Variants in PCDHGA3 observed in about 807,000 individuals in gnomAD.
PCDHGA3 encodes the protein protocadherin gamma-A3.
Under a neutral mutation model 58.5 loss-of-function variants are expected in PCDHGA3, and 40 were observed. The observed-to-expected ratio is 0.68, with a 90% CI of 0.53 to 0.89. The LOEUF is 0.89. PCDHGA3 is among the 40% of genes least tolerant of loss of function. The pLI, the probability that PCDHGA3 is intolerant of heterozygous loss-of-function variation, is 0.00. For synonymous variants in PCDHGA3, 530 were observed against 525.7 expected (o/e 1.01, Z -0.11); for missense variants, 1,223 against 1,195.9 (o/e 1.02, Z -0.33).
chr5:141,500,148 G>T (rs936567158), intron 2 of PCDHGA3, among the ~76,000 whole-genome samples: 6 of 150,990 alleles, frequency 4.0e-5, no homozygotes, highest in African/African-American at 1.5e-4. Flanking sequence ...ACTTTTCTTT[G>T]TGTAATCAAA....
chr5:141,484,869 G>C (rs2154580238), intron 1 of PCDHGA3: 1 of 292,558 alleles, frequency 3.4e-6, no homozygotes, highest in African/African-American at 2.2e-5. Flanking sequence ...GGGGGAGCGT[G>C]GAGGATAGGG....
In PCDHGA3 at chr5:141,485,186, G is replaced by T; in HGVS notation, c.2425-9621G>T. ...GCGGGCGGCAGCAATGCTCCGCAAG[G>T]TGAGAAGCTGGACAGAAATCTGGCG... On this transcript the variant is annotated intron_variant, in intron 1 of 3. Coordinates refer to ENST00000253812, the MANE Select transcript of PCDHGA3 (RefSeq NM_018916.4). This position sits in a 1 kb window ranked among gnomAD's most constrained non-coding sequence, Gnocchi z 5.7. 1 of 1,613,706 alleles carries T rather than the reference G, an allele frequency of 6.2e-7. No individual in the cohort carries two copies. The highest frequency in any genetic ancestry group is 8.5e-7 in the Non-Finnish European group (1 of 1,179,644).
intron 1 of PCDHGA3, chr5:141,418,622 G>C: frequency 6.2e-7 from 1 of 1,614,026 alleles, no homozygotes; most frequent in Non-Finnish European, 8.5e-7. Context: ...TCGGGAAGAC[G>C]TGCCTCCAGG....
intron 1 of PCDHGA3, chr5:141,409,529 G>A: frequency 6.2e-7 from 1 of 1,613,962 alleles, no homozygotes; most frequent in Middle Eastern, 1.6e-4. Context: ...CTTGTATGTC[G>A]CTGACATCAA....
intron 1 of PCDHGA3, chr5:141,478,117 C>G (rs1419172538): frequency 1.3e-5 from 21 of 1,614,058 alleles, no homozygotes; most frequent in Non-Finnish European, 1.7e-5. Context: ...TGTCAGTAAC[C>G]GAGGACTCTC....
intron 1 of PCDHGA3, among the ~76,000 whole-genome samples, chr5:141,401,212 G>A (rs2094128608): frequency 6.6e-6 from 1 of 151,930 alleles, no homozygotes; most frequent in Non-Finnish European, 1.5e-5. Context: ...TGTGGTGGCG[G>A]GCGCCTGTAA....
chr5:141,374,565 A>C, intron 1 of PCDHGA3: 1 of 1,613,688 alleles, frequency 6.2e-7, no homozygotes, highest in Non-Finnish European at 8.5e-7. Context: ...TATGACCCTG[A>C]TGTGGGAATG....
chr5:141,452,584 T>C (rs992607928), intron 1 of PCDHGA3, among the ~76,000 whole-genome samples: 1 of 152,182 alleles, frequency 6.6e-6, no homozygotes, highest in Non-Finnish European at 1.5e-5. Context: ...TTTCCATCTT[T>C]GTATTTTTAT....
chr5:141,371,310 G>T, intron 1 of PCDHGA3: 2 of 1,613,992 alleles, frequency 1.2e-6, no homozygotes, highest in Non-Finnish European at 1.7e-6. Flanking sequence ...CACTATTGGA[G>T]AACTGGACTT....
At chr5:141,420,218 C>T (rs762476625) in intron 1 of PCDHGA3, 11 of 1,608,290 alleles carry the variant, frequency 6.8e-6, no homozygotes, top group Admixed American at 1.7e-5. Flanking sequence ...AGATAGCATG[C>T]TACTGGCTAG....
intron 1 of PCDHGA3, chr5:141,377,075 T>A (rs552169121): frequency 6.6e-6 from 1 of 152,554 alleles, no homozygotes; most frequent in South Asian, 2.1e-4. Flanking sequence ...GAGAGTCACA[T>A]AATTCTAATG....
Position 141,485,741 on chromosome 5 carries a change from C to A in PCDHGA3, c.2425-9066C>A. 6.2e-7 allele frequency: 1 copy of A among 1,614,180 alleles called. No homozygotes were observed. Among genetic ancestry groups the A allele is most frequent in the Non-Finnish European group, 8.5e-7 (1 of 1,179,992 alleles). On this transcript the variant is annotated intron_variant, in intron 1 of 3. Coordinates refer to ENST00000253812, the MANE Select transcript of PCDHGA3 (RefSeq NM_018916.4). This position sits in a 1 kb window ranked among gnomAD's most constrained non-coding sequence, Gnocchi z 5.7. ...TGTGAAGAAGCGCAGCGACGGCAGC[C>A]TGGTCCCAGAGCTGCTCCTGGAGAA...
intron 1 of PCDHGA3, chr5:141,405,437 T>C: frequency 7.0e-7 from 1 of 1,433,230 alleles, no homozygotes; most frequent in Non-Finnish European, 9.6e-7. Flanking sequence ...GTTTTGTTTT[T>C]GAGACAGAGT....
intron 1 of PCDHGA3, 146 bp downstream of exon 1, chr5:141,346,603 C>A (rs577224042): frequency 8.0e-7 from 1 of 1,250,564 alleles, no homozygotes; most frequent in African/African-American, 1.5e-5. Flanking sequence ...TCTTTCTGGG[C>A]CTATAGTAGG....
At position 141,494,854 on chromosome 5, in the gene PCDHGA3, C is replaced by T. The variant is rs1353498253; in HGVS notation, c.2472C>T (p.Pro824=). ...TDWRFSQAQR[P]GTSGSQNGDD... The stretch of plus-strand genomic sequence containing the variant: ...GGCGTTTCTCTCAGGCCCAGAGACC[C>T]GGCACCAGCGGGTAGGTGACTGATT... The change falls in exon 2 of 4, where the codon CCC becomes CCT. Residue 824 remains proline (P), a synonymous_variant. Coordinates refer to ENST00000253812, the MANE Select transcript of PCDHGA3 (RefSeq NM_018916.4). 1.2e-6 allele frequency: 2 copies of T among 1,614,120 alleles called. No homozygotes were observed. Among genetic ancestry groups the T allele is most frequent in the East Asian group, 2.2e-5 (1 of 44,870 alleles).
chr5:141,454,998 G>A (rs909142112), intron 1 of PCDHGA3, among the ~76,000 whole-genome samples: 1 of 151,220 alleles, frequency 6.6e-6, no homozygotes, highest in Admixed American at 6.6e-5. Flanking sequence ...ATTTTTAGTA[G>A]AGACGGGGTT....
chr5:141,384,682 G>A (rs1780361260), intron 1 of PCDHGA3: 1 of 1,614,222 alleles, frequency 6.2e-7, no homozygotes, highest in African/African-American at 1.3e-5. Context: ...GGTGGCGGTG[G>A]ACAAAGATTC....
intron 1 of PCDHGA3, chr5:141,366,505 T>G (rs368019745): frequency 6.2e-7 from 1 of 1,614,136 alleles, no homozygotes; most frequent in African/African-American, 1.3e-5. Context: ...CACGCCTGCT[T>G]CAGGCTGAAG....
chr5:141,408,842 G>A, intron 1 of PCDHGA3: 1 of 1,613,598 alleles, frequency 6.2e-7, no homozygotes, highest in African/African-American at 1.3e-5. Flanking sequence ...GATATTGACT[G>A]CCTTGGACGG....
Sources: gnomAD v4.1 joint callset for allele counts (sites outside exome capture counted in the v4.1 genomes callset) on GRCh38, gnomAD v4.1.1 for gene constraint, Gnocchi (gnomAD v3.1) non-coding constraint, MANE v1.5 for transcripts, NCBI Gene and HGNC (gene_info 2026-07-23, HGNC 2026-07-21) for gene names.